MYPOP: variants seen among roughly 807,000 people sequenced by gnomAD.
The protein encoded by MYPOP is myb-related transcription factor, partner of profilin.
Under a neutral mutation model 25.7 loss-of-function variants are expected in MYPOP, and 21 were observed. The ratio of observed to expected loss-of-function variants is 0.82; its 90% CI spans 0.58 to 1.18. The LOEUF (loss-of-function observed/expected upper bound fraction) is 1.18. Among genes scored for constraint, MYPOP ranks in the 50% most tolerant of loss-of-function variants. The pLI is 0.00. For missense variants in MYPOP, 566 were observed against 588.3 expected (o/e 0.96, Z 0.39); for synonymous variants, 280 against 247.9 (o/e 1.13, Z -1.22).
chr19:45,893,321 G>C (rs1005978390), intron 2 of MYPOP, among the ~76,000 whole-genome samples: 24 of 151,924 alleles, frequency 1.6e-4, no homozygotes, highest in African/African-American at 5.6e-4. Flanking sequence ...TGTAATCCCA[G>C]CACTTTGGGA....
intron 2 of MYPOP, among the ~76,000 whole-genome samples, chr19:45,891,912 GTTTT>G (rs942306318): frequency 2.6e-5 from 4 of 152,004 alleles, no homozygotes; most frequent in African/African-American, 9.7e-5. Context: ...AGAGCCAACA[GTTTT>G]TTTATTTTTT....
At chr19:45,900,787 T>C (rs58612190) in intron 2 of MYPOP, among the ~76,000 whole-genome samples, 10,798 of 152,266 alleles carry the variant, frequency 0.071, 629 homozygotes, top group East Asian at 0.3. Flanking sequence ...TTGATGATTC[T>C]ATCAAGAACT....
chr19:45,901,266 G>T lies in MYPOP; in HGVS notation c.499+9C>A. The T allele has an allele frequency of 6.9e-7, 1 of 1,441,432 alleles. No homozygotes were observed. Among genetic ancestry groups the T allele is most frequent in the South Asian group, 1.5e-5 (1 of 66,422 alleles). The allele number at this position is 1,441,432 out of a possible 1,614,324, so 89.3% of individuals were successfully genotyped here. A position where few individuals can be genotyped will look rare whatever the true frequency, so the allele number is the denominator to read the frequency against. ...GCGCAGGCACACAGCCTACTCTGAAGACACTCACCTGCACGTCGGTCCTCC... is the reference window on the plus strand; with the variant it reads ...GCGCAGGCACACAGCCTACTCTGAATACACTCACCTGCACGTCGGTCCTCC... On this transcript the variant is annotated intron_variant, in intron 2 of 2. Coordinates refer to ENST00000322217, the MANE Select transcript of MYPOP (RefSeq NM_001012643.4). This position sits in a 1 kb window ranked among gnomAD's most constrained non-coding sequence, Gnocchi z 5.7.
At chr19:45,899,114 T>C (rs1967250614) in intron 2 of MYPOP, among the ~76,000 whole-genome samples, 1 of 152,158 alleles carries the variant, frequency 6.6e-6, no homozygotes, top group Non-Finnish European at 1.5e-5. Context: ...TAATCTCGGC[T>C]ACTCGGGAGG....
Position 45,890,652 on chromosome 19 carries a change from T to TC in MYPOP, c.1170dup (p.Lys391GlufsTer59). 3 of 1,572,552 alleles carry TC rather than the reference T, an allele frequency of 1.9e-6. No homozygotes were observed. The highest frequency in any genetic ancestry group is 2.6e-6 in the Non-Finnish European group (3 of 1,156,884). The stretch of plus-strand genomic sequence containing the variant: ...GGAGATTTCCATCGGCCGCGCCTTT[T>TC]CCGTGTAGGGAAACCTTTTCTCCGC... On this transcript the variant is annotated frameshift_variant, in exon 3 of 3. Transcript: ENST00000322217. LOFTEE classifies it high-confidence loss of function.
At chr19:45,900,505 C>A (rs1967272817) in intron 2 of MYPOP, among the ~76,000 whole-genome samples, 1 of 135,450 alleles carries the variant, frequency 7.4e-6, no homozygotes, top group African/African-American at 2.7e-5. Flanking sequence ...TCCCTGGGAT[C>A]CCCTACCCCA....
At chr19:45,895,284 C>T (rs773378491) in intron 2 of MYPOP, among the ~76,000 whole-genome samples, 7 of 150,560 alleles carry the variant, frequency 4.6e-5, no homozygotes, top group African/African-American at 7.3e-5. Flanking sequence ...CTCATTCTGT[C>T]GCCCAGGCTG....
chr19:45,896,870 C>A (rs1967213499), intron 2 of MYPOP, among the ~76,000 whole-genome samples: 1 of 151,998 alleles, frequency 6.6e-6, no homozygotes, highest in African/African-American at 2.4e-5. Context: ...CATGATCCAC[C>A]CGCCTCGGCC....
rs959771610 is a variant in MYPOP, at chr19:45,901,868, C to G, written c.-52-43G>C. ...ACGGGGCTGGCTGGGGTTCGGGGTCCCCCCGCCGCCGCCTCTCCCAGACCG... is the reference window on the plus strand; with the variant it reads ...ACGGGGCTGGCTGGGGTTCGGGGTCGCCCCGCCGCCGCCTCTCCCAGACCG... On this transcript the variant is annotated intron_variant, in intron 1 of 2. Coordinates refer to ENST00000322217, the MANE Select transcript of MYPOP (RefSeq NM_001012643.4). This position sits in a 1 kb window ranked among gnomAD's most constrained non-coding sequence, Gnocchi z 5.7. 3.4e-4 allele frequency: 351 copies of G among 1,042,248 alleles called. No individual in the cohort carries two copies. Among genetic ancestry groups the G allele is most frequent in the Non-Finnish European group, 4.1e-4 (331 of 814,282 alleles). 64.6% of individuals were successfully genotyped at this position (1,042,248 alleles called of 1,614,324 possible).
chr19:45,900,898 A>G (rs1213438377), intron 2 of MYPOP, among the ~76,000 whole-genome samples: 1 of 152,140 alleles, frequency 6.6e-6, no homozygotes. Context: ...TTTTATCTCC[A>G]TTTTACAGAT....
Position 45,901,265 on chromosome 19 carries a change from A to G in MYPOP, c.499+10T>C. ...AGCGCAGGCACACAGCCTACTCTGA[A>G]GACACTCACCTGCACGTCGGTCCTC... On this transcript the variant is annotated intron_variant, in intron 2 of 2. Transcript: ENST00000322217. The surrounding 1 kb of genome is among the most constrained non-coding windows in gnomAD (Gnocchi z 5.7). 1.4e-6 allele frequency: 2 copies of G among 1,441,226 alleles called. No homozygotes were observed. Among genetic ancestry groups the G allele is most frequent in the Non-Finnish European group, 1.8e-6 (2 of 1,097,640 alleles). 89.3% of individuals were successfully genotyped at this position (1,441,226 alleles called of 1,614,324 possible).
At position 45,890,841 on chromosome 19, in the gene MYPOP, C is replaced by A. The variant is rs1967109632; in HGVS notation, c.982G>T (p.Ala328Ser). 29 of 1,025,934 alleles carry A rather than the reference C, an allele frequency of 2.8e-5. No individual in the cohort carries two copies. The highest frequency in any genetic ancestry group is 3.1e-5 in the Non-Finnish European group (27 of 857,304). 63.6% of individuals were successfully genotyped at this position (1,025,934 alleles called of 1,614,324 possible). ...PPPRPVLPPP[A>S]PKVEITPEPV... ...TCTGGGGTGATCTCCACCTTGGGGG[C>A]CGGTGGGGGCAGGACAGGCCTGGGA... The change falls in exon 3 of 3, where the codon GCC (alanine) becomes TCC (serine). Residue 328 changes from alanine (A) to serine (S), a missense_variant. By Grantham distance (99) the Ala-to-Ser change is moderately conservative. Transcript: ENST00000322217.
chr19:45,901,179 A>G lies in MYPOP; in HGVS notation c.499+96T>C. On this transcript the variant is annotated intron_variant, in intron 2 of 2. Coordinates refer to ENST00000322217, the MANE Select transcript of MYPOP (RefSeq NM_001012643.4). The surrounding 1 kb of genome is among the most constrained non-coding windows in gnomAD (Gnocchi z 5.7). ...CCCTAGCTATAAAATGGGGCGAAGG[A>G]CAGCATCCACCTCACAGGGCTGCAG... 1 of 1,177,974 alleles carries G rather than the reference A, an allele frequency of 8.5e-7. No homozygotes were observed. The highest frequency in any genetic ancestry group is 2.4e-5 in the South Asian group (1 of 42,352). 73.0% of individuals were successfully genotyped at this position (1,177,974 alleles called of 1,614,324 possible).
At chr19:45,894,455 T>G (rs754770096) in intron 2 of MYPOP, among the ~76,000 whole-genome samples, 10 of 149,990 alleles carry the variant, frequency 6.7e-5, no homozygotes, top group Non-Finnish European at 1.3e-4. Flanking sequence ...GCTCTCTCGC[T>G]CAGGCTGGAG....
chr19:45,891,108 AGGGTGCCACTTGGGCCAGTGGCGGTGG>A lies in MYPOP; in HGVS notation c.688_714del (p.Pro230_Pro238del). The A allele has an allele frequency of 1.7e-6, 1 of 587,904 alleles. No individual in the cohort carries two copies. 36.4% of individuals were successfully genotyped at this position (587,904 alleles called of 1,614,324 possible). ...GGAGGGGGTGGGGGGCTAGGGGGTG[AGGGTGCCACTTGGGCCAGTGGCGGTGG>A]GGGTGGCAGTGGAGGGGCTGGGGGT... On this transcript the variant is annotated inframe_deletion, in exon 3 of 3. Transcript: ENST00000322217.
Position 45,901,789 on chromosome 19 carries a change from C to G in MYPOP, c.-16G>C. 7.1e-7 allele frequency: 1 copy of G among 1,415,722 alleles called. No individual in the cohort carries two copies. The highest frequency in any genetic ancestry group is 9.2e-7 in the Non-Finnish European group (1 of 1,088,938). The allele number at this position is 1,415,722 out of a possible 1,614,324, so 87.7% of individuals were successfully genotyped here. On this transcript the variant is annotated 5_prime_UTR_variant, in exon 2 of 3. Coordinates refer to ENST00000322217, the MANE Select transcript of MYPOP (RefSeq NM_001012643.4). This position sits in a 1 kb window ranked among gnomAD's most constrained non-coding sequence, Gnocchi z 5.7. Reference sequence around the variant, plus strand: ...CCGAGGCCATGGCGCCCCCCGACGCCGCCGTCCTGCCGTCTGGCGCATGGG... The same window carrying G: ...CCGAGGCCATGGCGCCCCCCGACGCGGCCGTCCTGCCGTCTGGCGCATGGG...
Position 45,890,977 on chromosome 19 carries a change from C to T in MYPOP, c.846G>A (p.Gln282=). ...AIRELAGTLR[Q]GLAKLSEALS... is the part of the protein sequence containing the mutation. Reference sequence around the variant, plus strand: ...GGGCCTCGCTCAGTTTGGCCAGTCCCTGTCGAAGGGTGCCGGCCAGCTCCC... The same window carrying T: ...GGGCCTCGCTCAGTTTGGCCAGTCCTTGTCGAAGGGTGCCGGCCAGCTCCC... Residue 282 remains glutamine, a synonymous_variant, in exon 3 of 3, where the codon CAG becomes CAA. Coordinates refer to ENST00000322217, the MANE Select transcript of MYPOP (RefSeq NM_001012643.4). The T allele has an allele frequency of 6.7e-7, 1 of 1,501,438 alleles. No individual in the cohort carries two copies. Among genetic ancestry groups the T allele is most frequent in the Non-Finnish European group, 8.9e-7 (1 of 1,121,834 alleles). The allele number at this position is 1,501,438 out of a possible 1,614,324, so 93.0% of individuals were successfully genotyped here. A position where few individuals can be genotyped will look rare whatever the true frequency, so the allele number is the denominator to read the frequency against.
rs958084219 is a variant in MYPOP, at chr19:45,891,441, C to G, written c.500-118G>C. On this transcript the variant is annotated intron_variant, in intron 2 of 2. Coordinates refer to ENST00000322217, the MANE Select transcript of MYPOP (RefSeq NM_001012643.4). ...CGAACCCAGAACTATCCTTCTCACC[C>G]CCGCCCCCCAGCCCCAAGACAGTCT... 1.2e-5 allele frequency: 15 copies of G among 1,231,218 alleles called. No homozygotes were observed. The African/African-American group carries it at 2.3e-4, about 19-fold the overall frequency. 76.3% of individuals were successfully genotyped at this position (1,231,218 alleles called of 1,614,324 possible).
At chr19:45,893,693 T>C (rs974779574) in intron 2 of MYPOP, among the ~76,000 whole-genome samples, 1 of 151,878 alleles carries the variant, frequency 6.6e-6, no homozygotes, top group African/African-American at 2.4e-5. Flanking sequence ...GGTTTCTTTC[T>C]GGAGTGATGA....
Sources: allele counts gnomAD v4.1 joint callset (sites outside exome capture counted in the v4.1 genomes callset), GRCh38; gene constraint gnomAD v4.1.1; non-coding constraint Gnocchi (gnomAD v3.1); transcripts MANE v1.5; gene names NCBI Gene and HGNC (gene_info 2026-07-23, HGNC 2026-07-21).